The following TMC2 variants were observed in gnomAD, a reference collection of about 807,000 sequenced individuals.
The protein encoded by TMC2 is transmembrane channel like 2, also known as transmembrane channel-like protein 2.
Under a neutral mutation model 105.9 loss-of-function variants are expected in TMC2, and 102 were observed. The ratio of observed to expected loss-of-function variants is 0.96; its 90% CI spans 0.82 to 1.14. The LOEUF (loss-of-function observed/expected upper bound fraction) is 1.14, where lower values mean the gene tolerates loss of function less well. TMC2 is among the 50% of genes most tolerant of loss of function. The pLI is 0.00. For missense variants in TMC2, 1,093 were observed against 1,134.3 expected (o/e 0.96, Z 0.52); for synonymous variants, 402 against 422.8 (o/e 0.95, Z 0.60).
At chr20:2,635,905 A>G in intron 17 of TMC2, 21 bp from the exon 18 acceptor site, 1 of 1,604,416 alleles carries the variant, frequency 6.2e-7, no homozygotes. Flanking sequence ...GGACCATAGG[A>G]GGCATGCTTT....
chr20:2,610,541 C>G lies in TMC2; in HGVS notation c.1536C>G (p.Leu512=). The G allele has an allele frequency of 6.2e-7, 1 of 1,613,538 alleles. No individual in the cohort carries two copies. Among genetic ancestry groups the G allele is most frequent in the Non-Finnish European group, 8.5e-7 (1 of 1,179,716 alleles). The change falls in exon 12 of 20, where the codon CTC becomes CTG. Residue 512 remains leucine (L), a synonymous_variant. Transcript: ENST00000358864. The part of the protein sequence containing the change: ...LKWQLGRIFA[L]FLGNLYTFLL... ...GGCAGCTGGGACGCATCTTTGCACTCTTCCTGGGGAACCTCTACACATTTC... is the reference window on the plus strand; with the variant it reads ...GGCAGCTGGGACGCATCTTTGCACTGTTCCTGGGGAACCTCTACACATTTC...
At chr20:2,541,378 C>A (rs1393464488) in intron 2 of TMC2, among the ~76,000 whole-genome samples, 1 of 152,134 alleles carries the variant, frequency 6.6e-6, no homozygotes, top group East Asian at 1.9e-4. Context: ...TGGTGGCTTA[C>A]GCCTGTAATC....
intron 16 of TMC2, among the ~76,000 whole-genome samples, chr20:2,620,648 A>G (rs2086518211): frequency 6.6e-6 from 1 of 152,222 alleles, no homozygotes. Flanking sequence ...AAGGCAGATC[A>G]TTGGCCTCCC....
chr20:2,598,914 TTTCCTGTGTGTACATG>T (rs1478377092), intron 10 of TMC2, among the ~76,000 whole-genome samples: 14 of 152,144 alleles, frequency 9.2e-5, no homozygotes, highest in African/African-American at 3.4e-4. Context: ...AGACAGAAAG[TTTCCTGTGTGTACATG>T]TCCAAAAAAA....
chr20:2,637,877 A>G (rs2086660078), intron 19 of TMC2, among the ~76,000 whole-genome samples: 1 of 152,194 alleles, frequency 6.6e-6, no homozygotes. Flanking sequence ...GCACCCCTTA[A>G]TAACATTTGG....
At chr20:2,587,719 C>T (rs2086240920) in intron 7 of TMC2, among the ~76,000 whole-genome samples, 1 of 152,072 alleles carries the variant, frequency 6.6e-6, no homozygotes, top group African/African-American at 2.4e-5. Context: ...TATGCATCAC[C>T]TCATATACCT....
At chr20:2,599,068 A>T in intron 10 of TMC2, among the ~76,000 whole-genome samples, 1 of 152,088 alleles carries the variant, frequency 6.6e-6, no homozygotes, top group Middle Eastern at 3.4e-3. Flanking sequence ...AAAAATAAAA[A>T]GTATTTTTAG....
At chr20:2,624,230 C>A in intron 16 of TMC2, 41 bp from the exon 17 acceptor site, 1 of 1,598,712 alleles carries the variant, frequency 6.3e-7, no homozygotes. Flanking sequence ...ATGCCACAGG[C>A]ACATGGCAGC....
chr20:2,549,028 T>G (rs544339113), intron 2 of TMC2, among the ~76,000 whole-genome samples: 2 of 152,244 alleles, frequency 1.3e-5, no homozygotes, highest in African/African-American at 4.8e-5. Context: ...TGCCAAATTT[T>G]TACCTAATTT....
chr20:2,628,783 G>C (rs1177392821), intron 17 of TMC2, among the ~76,000 whole-genome samples: 1 of 152,148 alleles, frequency 6.6e-6, no homozygotes, highest in African/African-American at 2.4e-5. Flanking sequence ...ACTCAGTCTT[G>C]GGTAGTTCTT....
chr20:2,564,901 A>G (rs1214882960), intron 4 of TMC2, among the ~76,000 whole-genome samples: 2 of 151,982 alleles, frequency 1.3e-5, no homozygotes, highest in Admixed American at 1.3e-4. Flanking sequence ...CTTATCCTGG[A>G]CTCAGATTTA....
At chr20:2,585,428 A>G (rs945153926) in intron 7 of TMC2, among the ~76,000 whole-genome samples, 11 of 152,066 alleles carry the variant, frequency 7.2e-5, no homozygotes, top group African/African-American at 2.7e-4. Context: ...CTGGGTAACA[A>G]ATTACTCCCT....
chr20:2,602,377 A>G, intron 11 of TMC2, 76 bp downstream of exon 11: 1 of 1,132,846 alleles, frequency 8.8e-7, no homozygotes, highest in Non-Finnish European at 1.2e-6. Context: ...CATTCATTTC[A>G]TTTATCGAAA....
rs1348290792 is a variant in TMC2 at position 2,558,450 on chromosome 20, C to A, written c.83-6C>A. 2 of 1,553,658 alleles carry A rather than the reference C, an allele frequency of 1.3e-6. No individual in the cohort carries two copies. The highest frequency in any genetic ancestry group is 2.4e-5 in the East Asian group (1 of 41,110). On this transcript the variant is annotated splice_region_variant and splice_polypyrimidine_tract_variant and intron_variant, in intron 2 of 19. Transcript: ENST00000358864. The surrounding 1 kb of genome is among the most constrained non-coding windows in gnomAD (Gnocchi z 4.6). ...ACCAGAACTGTCCATTTTCCCGCCC[C>A]GGCAGGTGACAGGCTGGGAAGGAGA... is the stretch of plus-strand genomic sequence containing the variant.
intron 2 of TMC2, among the ~76,000 whole-genome samples, chr20:2,544,368 T>C (rs2085910455): frequency 6.6e-6 from 1 of 152,194 alleles, no homozygotes; most frequent in Non-Finnish European, 1.5e-5. Context: ...GTTTGTATAA[T>C]CTACTTCTCA....
chr20:2,601,998 C>T (rs2086354825), intron 10 of TMC2, 115 bp from the exon 11 acceptor site: 2 of 672,810 alleles, frequency 3.0e-6, no homozygotes, highest in Non-Finnish European at 5.0e-6. Flanking sequence ...ACATCATCTC[C>T]TCTGTATTAT....
intron 7 of TMC2, among the ~76,000 whole-genome samples, chr20:2,584,096 C>T (rs963754012): frequency 1.3e-5 from 2 of 152,084 alleles, no homozygotes; most frequent in African/African-American, 2.4e-5. Context: ...AGTCTGTAAA[C>T]CTCTTATGAT....
At chr20:2,611,808 G>A (rs1193170648) in intron 12 of TMC2, among the ~76,000 whole-genome samples, 5 of 147,572 alleles carry the variant, frequency 3.4e-5, no homozygotes, top group Non-Finnish European at 6.0e-5. Context: ...ATGAATGGAT[G>A]GCTGAATGCT....
chr20:2,566,716 C>A (rs964939890), intron 4 of TMC2, among the ~76,000 whole-genome samples: 11 of 152,170 alleles, frequency 7.2e-5, no homozygotes, highest in African/African-American at 2.7e-4. Context: ...AAGAAGAAGG[C>A]AAACTGGCTA....
Sources: allele counts gnomAD v4.1 joint callset (sites outside exome capture counted in the v4.1 genomes callset), GRCh38; gene constraint gnomAD v4.1.1; non-coding constraint Gnocchi (gnomAD v3.1); transcripts MANE v1.5; gene names NCBI Gene and HGNC (gene_info 2026-07-23, HGNC 2026-07-21).